The following MAGI2 variants were observed in gnomAD, a reference collection of about 807,000 sequenced individuals.
The protein encoded by MAGI2 is membrane associated guanylate kinase, WW and PDZ domain containing 2, also known as membrane-associated guanylate kinase, WW and PDZ domain-containing protein 2.
In MAGI2, 35 loss-of-function variants were observed where a neutral mutation model predicts 133.3. The ratio of observed to expected loss-of-function variants is 0.26; its 90% CI spans 0.20 to 0.35. The LOEUF (loss-of-function observed/expected upper bound fraction) is 0.35, where lower values mean the gene tolerates loss of function less well. Ranked by LOEUF, MAGI2 falls within the 10% of genes least tolerant of loss-of-function variation. The pLI is 1.00. For synonymous variants in MAGI2, 729 were observed against 710.6 expected (o/e 1.03, Z -0.41); for missense variants, 1,636 against 1,863.4 (o/e 0.88, Z 2.25).
At chr7:79,408,440 G>A (rs1845948690) in intron 1 of MAGI2, among the ~76,000 whole-genome samples, 2 of 151,850 alleles carry the variant, frequency 1.3e-5, no homozygotes, top group South Asian at 4.2e-4. Flanking sequence ...GGGTTACCCA[G>A]CACAAATGGT....
intron 1 of MAGI2, among the ~76,000 whole-genome samples, chr7:79,103,801 G>A (rs548256655): frequency 1.3e-5 from 2 of 152,112 alleles, no homozygotes; most frequent in East Asian, 1.9e-4. Flanking sequence ...CCGGGTTCAC[G>A]CCATTCTACT....
intron 15 of MAGI2, among the ~76,000 whole-genome samples, chr7:78,164,743 C>T (rs564034479): frequency 6.6e-6 from 1 of 152,356 alleles, no homozygotes; most frequent in South Asian, 2.1e-4. Flanking sequence ...AAGACTGACT[C>T]TAACATGTTT....
intron 1 of MAGI2, among the ~76,000 whole-genome samples, chr7:79,147,008 G>T (rs1822705232): frequency 1.3e-5 from 2 of 152,186 alleles, no homozygotes; most frequent in African/African-American, 4.8e-5. Flanking sequence ...TGTTAAGAAT[G>T]CAGGATCTGC....
At chr7:78,259,292 T>A (rs1373857488) in intron 9 of MAGI2, among the ~76,000 whole-genome samples, 3 of 152,102 alleles carry the variant, frequency 2.0e-5, no homozygotes, top group African/African-American at 7.2e-5. Context: ...ATAGTAGAGA[T>A]CACATGGGAT....
chr7:79,288,631 A>C (rs1365558385), intron 1 of MAGI2, among the ~76,000 whole-genome samples: 1 of 152,124 alleles, frequency 6.6e-6, no homozygotes, highest in Non-Finnish European at 1.5e-5. Context: ...ACTGGTAACT[A>C]TCCGTAAGAT....
intron 2 of MAGI2, among the ~76,000 whole-genome samples, chr7:79,003,863 C>T (rs1329601312): frequency 1.3e-5 from 2 of 152,128 alleles, no homozygotes; most frequent in Non-Finnish European, 2.9e-5. Context: ...TTCAACATCC[C>T]TAATCCCCAA....
In MAGI2 at chr7:79,161,481, T is replaced by C. The variant is rs187007488; in HGVS notation, c.302-154275A>G. ...CTTGTGATGGAATGTTATCCGAAGC[T>C]ACCCCTATGCTAATGGAAATAATAT... is the stretch of plus-strand genomic sequence containing the variant. On this transcript the variant is annotated intron_variant, in intron 1 of 21. Coordinates refer to ENST00000354212, the MANE Select transcript of MAGI2 (RefSeq NM_012301.4). Among the ~76,000 whole-genome samples, 22 of 152,220 alleles carry C rather than the reference T, an allele frequency of 1.4e-4. No homozygotes were observed. In the East Asian group the frequency reaches 1.5e-3, roughly 11 times the overall value.
chr7:79,417,496 T>C (rs1235436607), intron 1 of MAGI2, among the ~76,000 whole-genome samples: 1 of 152,140 alleles, frequency 6.6e-6, no homozygotes, highest in Non-Finnish European at 1.5e-5. Context: ...CAAAGTTCCT[T>C]GGGAAACTGC....
chr7:78,322,027 T>G (rs1788057952), intron 9 of MAGI2, among the ~76,000 whole-genome samples: 1 of 152,138 alleles, frequency 6.6e-6, no homozygotes, highest in Non-Finnish European at 1.5e-5. Context: ...TGATTACTGG[T>G]CATTAGAGAA....
In MAGI2 at chr7:78,551,560, A is replaced by C. The variant is rs76887557; in HGVS notation, c.539-29915T>G. On this transcript the variant is annotated intron_variant, in intron 3 of 21. Transcript: ENST00000354212. ...AGTAATTTGAAAGCCACATACATGA[A>C]TAATATACCCACTGCATGTCAACCC... Among the ~76,000 whole-genome samples the C allele has an allele frequency of 3.0e-3, 452 of 152,350 alleles. 17 individuals are homozygous for C. In the East Asian group the frequency reaches 0.073, roughly 25 times the overall value.
At chr7:79,015,157 A>G (rs915636160) in intron 1 of MAGI2, among the ~76,000 whole-genome samples, 1 of 152,194 alleles carries the variant, frequency 6.6e-6, no homozygotes, top group African/African-American at 2.4e-5. Context: ...TTTAAGAACT[A>G]TAAAGCCAGG....
At chr7:78,071,876 C>T (rs1041999583) in intron 21 of MAGI2, among the ~76,000 whole-genome samples, 2 of 152,204 alleles carry the variant, frequency 1.3e-5, no homozygotes, top group African/African-American at 2.4e-5. Context: ...AGCAAGTCAC[C>T]TTTTGCCCTA....
At chr7:78,431,474 G>A (rs896629904) in intron 6 of MAGI2, among the ~76,000 whole-genome samples, 2 of 152,000 alleles carry the variant, frequency 1.3e-5, no homozygotes, top group Non-Finnish European at 2.9e-5. Flanking sequence ...CTATTTCTTG[G>A]GTATTTTATT....
At chr7:79,321,859 A>C (rs1371934790) in intron 1 of MAGI2, among the ~76,000 whole-genome samples, 1 of 152,162 alleles carries the variant, frequency 6.6e-6, no homozygotes, top group East Asian at 1.9e-4. Flanking sequence ...CTATTGTTGG[A>C]AATAGTGTGC....
chr7:78,596,628 T>C (rs746743855), intron 3 of MAGI2, among the ~76,000 whole-genome samples: 15 of 152,206 alleles, frequency 9.9e-5, no homozygotes, highest in Non-Finnish European at 1.8e-4. Flanking sequence ...TTCTTGGTGG[T>C]GTTAGTTTTG....
At chr7:78,355,049 T>C (rs542048519) in intron 7 of MAGI2, among the ~76,000 whole-genome samples, 1 of 152,330 alleles carries the variant, frequency 6.6e-6, no homozygotes, top group Admixed American at 6.5e-5. Flanking sequence ...TTATTGGGGA[T>C]AGGTATTGTG....
chr7:78,646,059 T>G (rs1810860715), intron 2 of MAGI2, among the ~76,000 whole-genome samples: 1 of 152,086 alleles, frequency 6.6e-6, no homozygotes, highest in Admixed American at 6.6e-5. Context: ...ATTTTTAAAA[T>G]GTATGCAATG....
At chr7:78,162,834 G>T (rs369139922) in intron 15 of MAGI2, among the ~76,000 whole-genome samples, 1 of 152,102 alleles carries the variant, frequency 6.6e-6, no homozygotes, top group Admixed American at 6.5e-5. Flanking sequence ...CTTAAAAACT[G>T]GTCACATGAT....
At chr7:78,073,542 T>G (rs1288423970) in intron 21 of MAGI2, among the ~76,000 whole-genome samples, 1 of 152,192 alleles carries the variant, frequency 6.6e-6, no homozygotes, top group Admixed American at 6.5e-5. Context: ...CCTATTATAT[T>G]TTGCTTTATT....
Sources: allele counts gnomAD v4.1 joint callset (sites outside exome capture counted in the v4.1 genomes callset), GRCh38; gene constraint gnomAD v4.1.1; transcripts MANE v1.5; gene names NCBI Gene and HGNC (gene_info 2026-07-23, HGNC 2026-07-21).